MYO16: variants seen among roughly 807,000 people sequenced by gnomAD.
The protein encoded by MYO16 is myosin XVI, also known as unconventional myosin-XVI.
Under a neutral mutation model 205.3 loss-of-function variants are expected in MYO16, and 94 were observed. The ratio of observed to expected loss-of-function variants is 0.46; its 90% CI spans 0.39 to 0.54. The LOEUF is 0.54. Among genes scored for constraint, MYO16 ranks in the 20% least tolerant of loss-of-function variants. MYO16 has a pLI of 0.00. For missense variants in MYO16, 2,315 were observed against 2,387.5 expected (o/e 0.97, Z 0.63); for synonymous variants, 988 against 954.0 (o/e 1.04, Z -0.66).
Position 109,015,597 on chromosome 13 carries a change from T to G in MYO16, c.2596-4114T>G, listed in dbSNP as rs1349570338. 3.3e-5 allele frequency among the ~76,000 whole-genome samples: 5 copies of G among 152,112 alleles called. No individual in the cohort carries two copies. In the East Asian group the frequency reaches 9.6e-4, roughly 29 times the overall value. ...GCTGTGAATCCATCTGGTCCTGGAC[T>G]TTTTTGGTTTGTAGGCTATTAATTG... On this transcript the variant is annotated intron_variant, in intron 22 of 34. Coordinates refer to ENST00000457511, the MANE Select transcript of MYO16 (RefSeq NM_001198950.3).
chr13:108,934,766 T>C (rs1393849181), intron 16 of MYO16, among the ~76,000 whole-genome samples: 1 of 152,166 alleles, frequency 6.6e-6, no homozygotes, highest in Non-Finnish European at 1.5e-5. Flanking sequence ...TATTATAAAA[T>C]GAATCTTTAA....
In MYO16 at chr13:108,632,551, G is replaced by A. The variant is rs185866630; in HGVS notation, c.28+2679G>A. ...TGAAAAAATTATACGCTTCAAGGTC[G>A]AAACTTAATCTAACAGTTGTTATCT... On this transcript the variant is annotated intron_variant, in intron 1 of 34. Coordinates refer to ENST00000457511, the MANE Select transcript of MYO16 (RefSeq NM_001198950.3). 2.9e-3 allele frequency among the ~76,000 whole-genome samples: 447 copies of A among 152,256 alleles called. 2 individuals are homozygous for A. The highest frequency in any genetic ancestry group is 5.7e-3 in the Admixed American group (87 of 15,294).
chr13:108,699,519 T>A (rs2030119448), intron 2 of MYO16, among the ~76,000 whole-genome samples: 1 of 152,162 alleles, frequency 6.6e-6, no homozygotes, highest in African/African-American at 2.4e-5. Flanking sequence ...AAGGGAAGCA[T>A]GTATTTATAT....
chr13:108,660,982 T>G (rs1240207804), intron 1 of MYO16, among the ~76,000 whole-genome samples: 1 of 152,204 alleles, frequency 6.6e-6, no homozygotes, highest in African/African-American at 2.4e-5. Flanking sequence ...GGTTTGGTTA[T>G]GGCAAATTCT....
intron 16 of MYO16, among the ~76,000 whole-genome samples, chr13:108,937,080 T>C (rs1437866902): frequency 1.3e-5 from 2 of 152,154 alleles, no homozygotes; most frequent in Non-Finnish European, 2.9e-5. Flanking sequence ...GCCTGGAAAA[T>C]ATTTTATTTC....
chr13:109,125,190 G>A lies in MYO16; in HGVS notation c.3614G>A (p.Ser1205Asn), dbSNP rs757590325. 8 of 1,614,028 alleles carry A rather than the reference G, an allele frequency of 5.0e-6. No individual in the cohort carries two copies. The highest frequency in any genetic ancestry group is 8.5e-7 in the Non-Finnish European group (1 of 1,180,032). ...CAACAAGAGGTGACTTCTATCAATA[G>A]CTTTCTGCAGAACACAGAGGACATG... is the stretch of plus-strand genomic sequence containing the variant. ...IRQQEVTSIN[S>N]FLQNTEDMGL... is the part of the protein sequence containing the mutation. Residue 1205 changes from serine to asparagine, a missense_variant, in exon 30 of 35, where the codon AGC becomes AAC. Ser to Asn is a conservative substitution (Grantham distance 46, BLOSUM62 1). Around this residue, in one of 3 missense-constraint regions of MYO16, gnomAD observed 1,097 missense variants for 1,092.0 expected, o/e 1.00. Transcript: ENST00000457511. The surrounding 1 kb of genome is among the most constrained non-coding windows in gnomAD (Gnocchi z 4.0).
intron 33 of MYO16, 31 bp from the exon 34 acceptor site, chr13:109,179,511 C>G (rs1183667799): frequency 6.8e-7 from 1 of 1,461,638 alleles, no homozygotes; most frequent in Admixed American, 1.7e-5. Flanking sequence ...GGAGACACTG[C>G]TTAACTCCCG....
chr13:108,531,903 T>A, the MYO16 span, among the ~76,000 whole-genome samples: 332 of 151,856 alleles, frequency 2.2e-3, 2 homozygotes, highest in African/African-American at 7.2e-3. Flanking sequence ...TGTAAAAGAG[T>A]ATGAGGTCAT....
the MYO16 span, among the ~76,000 whole-genome samples, chr13:108,524,413 C>T: frequency 6.6e-6 from 1 of 152,224 alleles, no homozygotes; most frequent in Non-Finnish European, 1.5e-5. Flanking sequence ...CCTGCTTCCC[C>T]TTCACCTTGC....
At chr13:108,680,592 CT>C (rs1296813566) in intron 2 of MYO16, among the ~76,000 whole-genome samples, 3 of 152,182 alleles carry the variant, frequency 2.0e-5, no homozygotes, top group African/African-American at 7.2e-5. Context: ...AAGAATGCCA[CT>C]TTTTAAAACA....
intron 16 of MYO16, among the ~76,000 whole-genome samples, chr13:108,943,944 G>T (rs1009053860): frequency 6.6e-6 from 1 of 152,196 alleles, no homozygotes; most frequent in African/African-American, 2.4e-5. Context: ...TTCAGTTTCC[G>T]CAGGAAGAGA....
rs764612308 is a variant in MYO16 at position 109,049,925 on chromosome 13, CCTGT to C, written c.2873-2374_2873-2371del. ...TTGTTCTCCTCTTTCCTTCCTTTGT[CCTGT>C]GTGTGTGTGTGTGTGTGTGTGTGTG... On this transcript the variant is annotated intron_variant, in intron 24 of 34. Coordinates refer to ENST00000457511, the MANE Select transcript of MYO16 (RefSeq NM_001198950.3). Among the ~76,000 whole-genome samples, 308 of 113,436 alleles carry C rather than the reference CCTGT, an allele frequency of 2.7e-3. 1 individual carries two copies. The highest frequency in any genetic ancestry group is 0.011 in the South Asian group (38 of 3,396). 74.4% of individuals were successfully genotyped at this position (113,436 alleles called of 152,430 possible).
chr13:108,602,381 G>A (rs908436560), intron 1 of MYO16, among the ~76,000 whole-genome samples: 2 of 152,062 alleles, frequency 1.3e-5, no homozygotes, highest in African/African-American at 4.8e-5. Context: ...TTGCCTCTCT[G>A]ATGCACTCTT....
At chr13:108,980,209 A>G (rs142085240) in intron 20 of MYO16, among the ~76,000 whole-genome samples, 53 of 152,330 alleles carry the variant, frequency 3.5e-4, no homozygotes, top group African/African-American at 1.3e-3. Flanking sequence ...ACGAAATGCA[A>G]TGATTTAAAA....
At position 109,100,731 on chromosome 13, in the gene MYO16, A is replaced by G. The variant is rs942299221; in HGVS notation, c.3336-54A>G. ...AACAAAGACAGCCCTGTTGAATGTG[A>G]TCATGTGCTTGGCAAATGCAGTCAT... On this transcript the variant is annotated intron_variant, in intron 27 of 34. Coordinates refer to ENST00000457511, the MANE Select transcript of MYO16 (RefSeq NM_001198950.3). The G allele has an allele frequency of 4.2e-6, 6 of 1,419,264 alleles. No individual in the cohort carries two copies. In the African/African-American group the frequency reaches 8.4e-5, roughly 20 times the overall value. 87.9% of individuals were successfully genotyped at this position (1,419,264 alleles called of 1,614,324 possible).
chr13:109,127,250 G>A lies in MYO16; in HGVS notation c.3783-32G>A, dbSNP rs777452047. ...AATAATGCATCTGGGCCTCTCTGGC[G>A]TGGTGCTGTTTGTGTTTTGTTTCCC... On this transcript the variant is annotated intron_variant, in intron 30 of 34. Transcript: ENST00000457511. The surrounding 1 kb of genome is among the most constrained non-coding windows in gnomAD (Gnocchi z 4.2). The A allele has an allele frequency of 2.3e-4, 359 of 1,542,944 alleles. No homozygotes were observed. The highest frequency in any genetic ancestry group is 4.6e-5 in the Non-Finnish European group (52 of 1,140,062).
intron 21 of MYO16, among the ~76,000 whole-genome samples, chr13:109,003,481 C>T (rs1431995456): frequency 6.6e-6 from 1 of 152,132 alleles, no homozygotes; most frequent in Non-Finnish European, 1.5e-5. Flanking sequence ...TTTGATTGAC[C>T]AAGAGAGGAA....
the MYO16 span, among the ~76,000 whole-genome samples, chr13:108,500,445 G>A: frequency 6.6e-6 from 1 of 151,144 alleles, no homozygotes; most frequent in Non-Finnish European, 1.5e-5. Flanking sequence ...GGCCAGGCTG[G>A]TCTTGAACTC....
At chr13:108,647,821 A>T (rs1240940558) in intron 1 of MYO16, among the ~76,000 whole-genome samples, 1 of 152,234 alleles carries the variant, frequency 6.6e-6, no homozygotes, top group Non-Finnish European at 1.5e-5. Flanking sequence ...TAACCATCAA[A>T]TGTCTAAATA....
Sources: gnomAD v4.1 joint callset for allele counts (sites outside exome capture counted in the v4.1 genomes callset) on GRCh38, gnomAD v4.1.1 for gene constraint, gnomAD v4.1.1 regional missense constraint, Gnocchi (gnomAD v3.1) non-coding constraint, MANE v1.5 for transcripts, NCBI Gene and HGNC (gene_info 2026-07-23, HGNC 2026-07-21) for gene names.